The following CDH19 variants were observed in gnomAD, a reference collection of about 807,000 sequenced individuals.
CDH19 encodes cadherin 19.
CDH19 carries 67 observed loss-of-function variants against 64.2 expected under a neutral mutation model. The observed-to-expected ratio is 1.04, with a 90% CI of 0.86 to 1.28. CDH19 has a LOEUF of 1.28. CDH19 is among the 50% of genes most tolerant of loss of function. The pLI is 0.00. For synonymous variants in CDH19, 346 were observed against 319.3 expected, an observed-to-expected ratio of 1.08 and a Z score of -0.89; for missense variants, 1,030 against 929.0, an observed-to-expected ratio of 1.11 and a Z score of -1.41.
intron 1 of CDH19, among the ~76,000 whole-genome samples, chr18:66,585,833 T>A (rs564890234): frequency 7.9e-5 from 12 of 152,226 alleles, no homozygotes; most frequent in African/African-American, 2.9e-4. Flanking sequence ...CATGGTTAAG[T>A]GACTATGACA....
At chr18:66,554,696 T>G in intron 3 of CDH19, among the ~76,000 whole-genome samples, 172 bp from the exon 4 acceptor site, 1 of 151,956 alleles carries the variant, frequency 6.6e-6, no homozygotes, top group East Asian at 1.9e-4. Flanking sequence ...TTTTTATTTT[T>G]TTCAGGCAAA....
chr18:66,587,788 T>C (rs1222763734), intron 1 of CDH19, among the ~76,000 whole-genome samples: 2 of 152,062 alleles, frequency 1.3e-5, no homozygotes, highest in African/African-American at 4.8e-5. Flanking sequence ...CTGATGTTTG[T>C]GGTAGGAGGT....
At chr18:66,593,934 T>G (rs1276003288) in intron 1 of CDH19, among the ~76,000 whole-genome samples, 1 of 152,086 alleles carries the variant, frequency 6.6e-6, no homozygotes, top group Non-Finnish European at 1.5e-5. Flanking sequence ...TTGGAGTTAA[T>G]GAGGATTTTT....
chr18:66,565,121 C>G (rs549732239), intron 3 of CDH19, among the ~76,000 whole-genome samples: 5 of 151,896 alleles, frequency 3.3e-5, no homozygotes, highest in Admixed American at 6.6e-5. Flanking sequence ...GACTTGTGGT[C>G]TAATAAATCT....
chr18:66,585,133 C>T (rs1241234799), intron 1 of CDH19, among the ~76,000 whole-genome samples: 4 of 151,716 alleles, frequency 2.6e-5, no homozygotes, highest in Admixed American at 1.3e-4. Context: ...TAATTTGGTG[C>T]CATAATTGTC....
chr18:66,509,059 C>T lies in CDH19; in HGVS notation c.1764G>A (p.Val588=). ...STQTCQYQEL[V]LSMGFKTEVI... ...CTTCTGTCTTGAATCCCATGGAAAG[C>T]ACAAGCTCCTGGTACTGGCAGGTCT... Residue 588 remains valine, a synonymous_variant, in exon 11 of 12, where the codon GTG becomes GTA. Transcript: ENST00000262150. 1 of 1,612,928 alleles carries T rather than the reference C, an allele frequency of 6.2e-7. No homozygotes were observed. The highest frequency in any genetic ancestry group is 8.5e-7 in the Non-Finnish European group (1 of 1,179,312).
chr18:66,511,632 A>G lies in CDH19; in HGVS notation c.1512T>C (p.His504=), dbSNP rs143208279. ...VDRDESIEEH[H]FYFNLSVEDT... The stretch of plus-strand genomic sequence containing the variant: ...CTTCTACAGATAGATTAAAGTAAAA[A>G]TGGTGCTCTTCTATGGATTCATCTC... Residue 504 remains histidine (H), a synonymous_variant, in exon 10 of 12, where the codon CAT becomes CAC. Coordinates refer to ENST00000262150, the MANE Select transcript of CDH19 (RefSeq NM_021153.4). 5.1e-5 allele frequency: 81 copies of G among 1,579,418 alleles called. No homozygotes were observed. Among genetic ancestry groups the G allele is most frequent in the Non-Finnish European group, 6.6e-5 (76 of 1,149,830 alleles).
intron 7 of CDH19, among the ~76,000 whole-genome samples, chr18:66,539,507 TTTTC>T (rs757085935): frequency 1.3e-5 from 2 of 152,260 alleles, no homozygotes; most frequent in South Asian, 2.1e-4. Flanking sequence ...GTCAAATGTT[TTTTC>T]TTTGTCTATT....
At chr18:66,556,378 A>G (rs542546394) in intron 3 of CDH19, among the ~76,000 whole-genome samples, 1 of 151,808 alleles carries the variant, frequency 6.6e-6, no homozygotes, top group Non-Finnish European at 1.5e-5. Flanking sequence ...AGATTTGTTT[A>G]TCTTACTTAT....
intron 9 of CDH19, among the ~76,000 whole-genome samples, chr18:66,518,072 TG>T (rs1985816221): frequency 1.3e-5 from 2 of 152,182 alleles, no homozygotes; most frequent in South Asian, 4.1e-4. Flanking sequence ...TTCTTATTAC[TG>T]TTTTAAATTA....
At chr18:66,549,455 T>C (rs2144508298) in intron 5 of CDH19, among the ~76,000 whole-genome samples, 1 of 152,190 alleles carries the variant, frequency 6.6e-6, no homozygotes, top group South Asian at 2.1e-4. Context: ...ATATTTAACT[T>C]GGTGTTCTCC....
intron 4 of CDH19, among the ~76,000 whole-genome samples, chr18:66,551,797 A>C (rs1048948026): frequency 1.3e-5 from 2 of 152,136 alleles, no homozygotes; most frequent in East Asian, 3.9e-4. Context: ...ATAATTAATG[A>C]TAAATATTGC....
At chr18:66,561,917 A>G (rs1987737554) in intron 3 of CDH19, among the ~76,000 whole-genome samples, 1 of 152,092 alleles carries the variant, frequency 6.6e-6, no homozygotes, top group South Asian at 2.1e-4. Context: ...CAAATTTAAA[A>G]TATTAATTAT....
intron 1 of CDH19, among the ~76,000 whole-genome samples, chr18:66,584,791 T>C (rs1988528004): frequency 6.6e-6 from 1 of 152,136 alleles, no homozygotes; most frequent in African/African-American, 2.4e-5. Context: ...GTCAAACCTG[T>C]ACAATATTTT....
chr18:66,532,289 G>A (rs1986478577), intron 8 of CDH19: 1 of 148,502 alleles, frequency 6.7e-6, no homozygotes, highest in African/African-American at 2.5e-5. Context: ...AAAAAAAAAA[G>A]AAAGCTATAG....
intron 3 of CDH19, among the ~76,000 whole-genome samples, chr18:66,566,460 T>G (rs764791451): frequency 2.6e-5 from 4 of 151,904 alleles, no homozygotes; most frequent in Non-Finnish European, 5.9e-5. Context: ...CTTCATCTTT[T>G]TCTACCTAGC....
rs1481182071 is a variant in CDH19, at chr18:66,572,601, T to C, written c.-112-285A>G. 2.6e-5 allele frequency among the ~76,000 whole-genome samples: 4 copies of C among 151,698 alleles called. No homozygotes were observed. In the East Asian group the frequency reaches 7.8e-4, roughly 29 times the overall value. On this transcript the variant is annotated intron_variant, in intron 1 of 11. Coordinates refer to ENST00000262150, the MANE Select transcript of CDH19 (RefSeq NM_021153.4). ...GAGTCTCCTGGATTGACAGCTGACATTGAGATAGACTTCCTTTTAATTTGA... is the reference window on the plus strand; with the variant it reads ...GAGTCTCCTGGATTGACAGCTGACACTGAGATAGACTTCCTTTTAATTTGA...
chr18:66,539,734 C>T (rs1986814793), intron 7 of CDH19, among the ~76,000 whole-genome samples: 1 of 152,000 alleles, frequency 6.6e-6, no homozygotes, highest in East Asian at 1.9e-4. Context: ...TTGCTTGTTA[C>T]GTATGGTAGG....
In CDH19 at chr18:66,561,896, T is replaced by C. The variant is rs533534779; in HGVS notation, c.490+6520A>G. Among the ~76,000 whole-genome samples the C allele has an allele frequency of 1.5e-4, 23 of 152,244 alleles. 1 individual carries two copies. The South Asian group carries it at 4.6e-3, about 30-fold the overall frequency. On this transcript the variant is annotated intron_variant, in intron 3 of 11. Coordinates refer to ENST00000262150, the MANE Select transcript of CDH19 (RefSeq NM_021153.4). ...TTGTTTGCATTACTCTGGAGAGACT[T>C]TTCATAATTGCAAATTTAAAATATT...
Sources: gnomAD v4.1 joint callset for allele counts (sites outside exome capture counted in the v4.1 genomes callset) on GRCh38, gnomAD v4.1.1 for gene constraint, MANE v1.5 for transcripts, NCBI Gene and HGNC (gene_info 2026-07-23, HGNC 2026-07-21) for gene names.